The following TRAPPC12 variants were observed in gnomAD, a reference collection of about 807,000 sequenced individuals.
The protein encoded by TRAPPC12 is trafficking protein particle complex subunit 12.
Under a neutral mutation model 69.2 loss-of-function variants are expected in TRAPPC12, and 61 were observed. The ratio of observed to expected loss-of-function variants is 0.88; its 90% CI spans 0.72 to 1.09. The LOEUF (loss-of-function observed/expected upper bound fraction) is 1.09. Among genes scored for constraint, TRAPPC12 ranks in the 50% least tolerant of loss-of-function variants. The pLI is 0.00. For missense variants in TRAPPC12, 1,101 were observed against 1,016.4 expected, an observed-to-expected ratio of 1.08 and a Z score of -1.13; for synonymous variants, 469 against 438.9, an observed-to-expected ratio of 1.07 and a Z score of -0.86.
At chr2:3,460,389 TGGGAGCCGCGA>T (rs940595005) in intron 8 of TRAPPC12, 53 bp downstream of exon 8, 7 of 839,166 alleles carry the variant, frequency 8.3e-6, no homozygotes, top group Middle Eastern at 2.3e-4. Context: ...GCGGGGTCAG[TGGGAGCCGCGA>T]GGGAGCCGCT....
chr2:3,427,301 G>A (rs1663163465), intron 5 of TRAPPC12, among the ~76,000 whole-genome samples: 2 of 152,252 alleles, frequency 1.3e-5, no homozygotes, highest in South Asian at 4.2e-4. Flanking sequence ...CAGGTCTGTG[G>A]GACTCTGCCT....
In TRAPPC12 at chr2:3,442,561, T is replaced by C. The variant is rs766382646; in HGVS notation, c.1418-1218T>C. Among the ~76,000 whole-genome samples the C allele has an allele frequency of 2.7e-4, 41 of 152,236 alleles. 1 individual carries two copies. Among genetic ancestry groups the C allele is most frequent in the Non-Finnish European group, 4.0e-4 (27 of 68,034 alleles). ...ATTCTCTTGAGATACAGAAATTATT[T>C]AGTGGCATCAAAAAAGAAAGTTTAA... On this transcript the variant is annotated intron_variant, in intron 5 of 11. Coordinates refer to ENST00000324266, the MANE Select transcript of TRAPPC12 (RefSeq NM_016030.6).
intron 6 of TRAPPC12, among the ~76,000 whole-genome samples, chr2:3,448,449 T>C (rs1028306360): frequency 7.9e-5 from 12 of 152,208 alleles, no homozygotes; most frequent in African/African-American, 2.4e-4. Context: ...CAAAAATTGC[T>C]CTCAGTAGAT....
intron 3 of TRAPPC12, chr2:3,421,555 TA>T: frequency 3.9e-6 from 2 of 516,966 alleles, no homozygotes; most frequent in South Asian, 3.7e-5. Flanking sequence ...AAACCAGTCA[TA>T]TAGATTGAGA....
intron 2 of TRAPPC12, among the ~76,000 whole-genome samples, chr2:3,392,934 C>T (rs1660905308): frequency 1.3e-5 from 2 of 152,196 alleles, no homozygotes; most frequent in South Asian, 4.1e-4. Context: ...AACCTAAGTG[C>T]CTATCGACAG....
chr2:3,458,311 C>T, intron 7 of TRAPPC12: 6 of 986,638 alleles, frequency 6.1e-6, no homozygotes, highest in Non-Finnish European at 4.8e-6. Flanking sequence ...AGTGCTCCCT[C>T]CCAGGTAGCC....
Position 3,387,929 on chromosome 2 carries a change from G to A in TRAPPC12, c.306G>A (p.Pro102=), listed in dbSNP as rs1211268158. 4.0e-6 allele frequency: 6 copies of A among 1,509,102 alleles called. No individual in the cohort carries two copies. The Admixed American group carries it at 6.7e-5, about 17-fold the overall frequency. The allele number at this position is 1,509,102 out of a possible 1,614,324, so 93.5% of individuals were successfully genotyped here. The part of the protein sequence containing the change: ...AEPGGEGDPG[P]EPAGTPSPSG... The stretch of plus-strand genomic sequence containing the variant: ...CCGGAGGGGAAGGCGACCCAGGCCC[G>A]GAGCCCGCGGGCACCCCGAGTCCCA... The change falls in exon 2 of 12, where the codon CCG becomes CCA. Residue 102 remains proline (P), a synonymous_variant. Coordinates refer to ENST00000324266, the MANE Select transcript of TRAPPC12 (RefSeq NM_016030.6).
chr2:3,383,657 G>A (rs530964760), intron 1 of TRAPPC12, among the ~76,000 whole-genome samples: 2 of 151,682 alleles, frequency 1.3e-5, no homozygotes, highest in South Asian at 2.1e-4. Flanking sequence ...CGCCCGCCCC[G>A]GCCTCCGAAA....
At chr2:3,412,488 G>A (rs1662118368) in intron 3 of TRAPPC12, among the ~76,000 whole-genome samples, 1 of 152,176 alleles carries the variant, frequency 6.6e-6, no homozygotes, top group South Asian at 2.1e-4. Flanking sequence ...TTGAACCCAG[G>A]TGGCTGAGGT....
At chr2:3,466,787 T>TG (rs1665835158) in intron 9 of TRAPPC12, among the ~76,000 whole-genome samples, 1 of 152,208 alleles carries the variant, frequency 6.6e-6, no homozygotes, top group Admixed American at 6.5e-5. Context: ...GCGTGACGCG[T>TG]GAGCTGCCAC....
intron 6 of TRAPPC12, among the ~76,000 whole-genome samples, chr2:3,450,233 G>A (rs1042426298): frequency 1.3e-5 from 2 of 152,202 alleles, no homozygotes; most frequent in African/African-American, 2.4e-5. Context: ...GCCCTGAAGC[G>A]GGCATGATAG....
At chr2:3,464,894 A>G (rs905616657) in intron 8 of TRAPPC12, among the ~76,000 whole-genome samples, 1 of 152,234 alleles carries the variant, frequency 6.6e-6, no homozygotes, top group African/African-American at 2.4e-5. Flanking sequence ...GCCACGGGCC[A>G]GACCACCACA....
chr2:3,466,223 G>A (rs373684579), intron 9 of TRAPPC12: 36 of 469,410 alleles, frequency 7.7e-5, no homozygotes, highest in African/African-American at 4.8e-4. Context: ...GATGAGTCCC[G>A]CCCACATCCC....
chr2:3,401,021 C>G (rs995785351), intron 2 of TRAPPC12, among the ~76,000 whole-genome samples: 1 of 152,198 alleles, frequency 6.6e-6, no homozygotes, highest in Non-Finnish European at 1.5e-5. Context: ...TCTTCAGCAC[C>G]GTCTAAAGAT....
At chr2:3,459,176 G>A (rs1051926508) in intron 7 of TRAPPC12, among the ~76,000 whole-genome samples, 3 of 152,312 alleles carry the variant, frequency 2.0e-5, no homozygotes, top group East Asian at 1.9e-4. Flanking sequence ...AGGGACACAC[G>A]GCTCCCAGTG....
Position 3,387,601 on chromosome 2 carries a change from T to C in TRAPPC12, c.-4-19T>C. On this transcript the variant is annotated intron_variant, in intron 1 of 11. Coordinates refer to ENST00000324266, the MANE Select transcript of TRAPPC12 (RefSeq NM_016030.6). ...ATGAAGATCACGCTCAGGGGCCTTC[T>C]CTCTGTCTTTGCTTTCAGGGTCATG... is the stretch of plus-strand genomic sequence containing the variant. 6.7e-7 allele frequency: 1 copy of C among 1,503,074 alleles called. No individual in the cohort carries two copies. Among genetic ancestry groups the C allele is most frequent in the Non-Finnish European group, 8.9e-7 (1 of 1,120,188 alleles). 93.1% of individuals were successfully genotyped at this position (1,503,074 alleles called of 1,614,324 possible).
At chr2:3,459,848 G>A (rs1181767168) in intron 7 of TRAPPC12, 2 of 319,820 alleles carry the variant, frequency 6.3e-6, no homozygotes, top group African/African-American at 4.5e-5. Context: ...GCCTCCCATA[G>A]GTCAACTGCG....
At chr2:3,467,951 C>T (rs2103158726) in intron 9 of TRAPPC12, 1 of 152,512 alleles carries the variant, frequency 6.6e-6, no homozygotes, top group South Asian at 2.1e-4. Context: ...TGCCATTAGC[C>T]TTCCGGGAGT....
At chr2:3,470,631 C>T (rs111924724) in intron 9 of TRAPPC12, among the ~76,000 whole-genome samples, 60 of 152,318 alleles carry the variant, frequency 3.9e-4, no homozygotes, top group African/African-American at 1.4e-3. Context: ...ACACCTCCAC[C>T]CTCAGCTTTC....
Sources: gnomAD v4.1 joint callset for allele counts (sites outside exome capture counted in the v4.1 genomes callset) on GRCh38, gnomAD v4.1.1 for gene constraint, MANE v1.5 for transcripts, NCBI Gene and HGNC (gene_info 2026-07-23, HGNC 2026-07-21) for gene names.